STRN3: variants seen among roughly 807,000 people sequenced by gnomAD.
STRN3 encodes striatin 3.
A neutral mutation model predicts 95.6 loss-of-function variants in STRN3; 29 were observed. The ratio of observed to expected loss-of-function variants is 0.30; its 90% CI spans 0.23 to 0.41. The LOEUF is 0.41. STRN3 is among the 10% of genes least tolerant of loss of function. The pLI is 1.00. For missense variants in STRN3, 890 were observed against 972.1 expected, an observed-to-expected ratio of 0.92 and a Z score of 1.12; for synonymous variants, 331 against 357.6, an observed-to-expected ratio of 0.93 and a Z score of 0.84.
chr14:30,948,548 TAA>T (rs976108664), intron 4 of STRN3, among the ~76,000 whole-genome samples: 1 of 151,798 alleles, frequency 6.6e-6, no homozygotes, highest in Non-Finnish European at 1.5e-5. Context: ...GAAGCAAAAA[TAA>T]AAGTTTCAAG....
chr14:31,025,580 A>G, intron 1 of STRN3: 1 of 421,412 alleles, frequency 2.4e-6, no homozygotes. Context: ...TCTCCCACAG[A>G]GAGGTGCTCG....
At chr14:31,002,911 G>A (rs1199582343) in intron 1 of STRN3, among the ~76,000 whole-genome samples, 2 of 152,074 alleles carry the variant, frequency 1.3e-5, no homozygotes, top group Non-Finnish European at 2.9e-5. Context: ...TGGAGATGAT[G>A]GTAGTAAAGG....
chr14:30,908,821 A>T (rs1161049930), intron 13 of STRN3, among the ~76,000 whole-genome samples: 1 of 150,984 alleles, frequency 6.6e-6, no homozygotes, highest in Non-Finnish European at 1.5e-5. Context: ...CAAACAATAC[A>T]CTCCCCCAGT....
intron 9 of STRN3, among the ~76,000 whole-genome samples, chr14:30,916,282 G>GT (rs1401537438): frequency 7.1e-4 from 101 of 142,752 alleles, no homozygotes; most frequent in Middle Eastern, 3.8e-3. Flanking sequence ...TAGTTTTTTT[G>GT]GTTTTTTTTT....
chr14:31,026,128 G>C lies in STRN3; in HGVS notation c.58C>G (p.Gln20Glu). ...AGGTTCCCCCCAGGTCCCTGCTGCT[G>C]CCGGGGAGGGGCCGCCATCCCCGGG... The part of the protein sequence containing the change: ...GGPGMAAPPR[Q>E]QQGPGGNLGL... Residue 20 changes from glutamine to glutamate, a missense_variant, in exon 1 of 18, where the codon CAG becomes GAG. Coordinates refer to ENST00000357479, the MANE Select transcript of STRN3 (RefSeq NM_001083893.2). 2 of 1,499,660 alleles carry C rather than the reference G, an allele frequency of 1.3e-6. No individual in the cohort carries two copies. Among genetic ancestry groups the C allele is most frequent in the Non-Finnish European group, 1.8e-6 (2 of 1,130,154 alleles). 92.9% of individuals were successfully genotyped at this position (1,499,660 alleles called of 1,614,324 possible). A position where few individuals can be genotyped will look rare whatever the true frequency, so the allele number is the denominator to read the frequency against.
At position 30,895,032 on chromosome 14, in the gene STRN3, C is replaced by T. The variant is rs1464445659; in HGVS notation, c.*379G>A. ...CAACAAGAGCACCACATTCCTAACC[C>T]CTAAGGCAGCACACAGAGTCCAAAA... On this transcript the variant is annotated 3_prime_UTR_variant, in exon 18 of 18. Transcript: ENST00000357479. 8.6e-5 allele frequency: 15 copies of T among 174,746 alleles called. No individual in the cohort carries two copies. Among genetic ancestry groups the T allele is most frequent in the Admixed American group, 4.8e-4 (5 of 10,374 alleles). The allele number at this position is 174,746 out of a possible 1,614,324, so 10.8% of individuals were successfully genotyped here. A position where few individuals can be genotyped will look rare whatever the true frequency, so the allele number is the denominator to read the frequency against.
At chr14:30,959,653 A>G (rs1293727709) in intron 1 of STRN3, among the ~76,000 whole-genome samples, 1 of 152,166 alleles carries the variant, frequency 6.6e-6, no homozygotes, top group African/African-American at 2.4e-5. Context: ...TCCCCATGGC[A>G]TCAAAAAATA....
rs1308425127 is a variant in STRN3 at position 30,952,487 on chromosome 14, C to A, written c.461-1543G>T. Among the ~76,000 whole-genome samples the A allele has an allele frequency of 2.0e-5, 3 of 152,064 alleles. No individual in the cohort carries two copies. In the East Asian group the frequency reaches 5.8e-4, roughly 29 times the overall value. On this transcript the variant is annotated intron_variant, in intron 3 of 17. Coordinates refer to ENST00000357479, the MANE Select transcript of STRN3 (RefSeq NM_001083893.2). ...GGCCAAGGCAGGTGGGTCGCTTGAG[C>A]CCACGGGTTCAAGACCAGCCTGGGA...
intron 1 of STRN3, among the ~76,000 whole-genome samples, chr14:30,961,044 C>A (rs925647346): frequency 4.6e-5 from 7 of 151,776 alleles, no homozygotes; most frequent in Non-Finnish European, 1.0e-4. Flanking sequence ...GGGGAGATTT[C>A]TTAAAAAAGA....
chr14:30,935,440 C>T, intron 6 of STRN3, 136 bp from the exon 7 acceptor site: 1 of 892,700 alleles, frequency 1.1e-6, no homozygotes, highest in South Asian at 1.9e-5. Context: ...CTATGTAATT[C>T]ACAAATCCCA....
chr14:31,025,818 GCT>G, intron 1 of STRN3, 84 bp downstream of exon 1: 1 of 1,522,242 alleles, frequency 6.6e-7, no homozygotes, highest in East Asian at 2.5e-5. Flanking sequence ...CAAGGCGCCG[GCT>G]CCGGCTGAGT....
chr14:30,918,882 T>C (rs997915786), intron 9 of STRN3, 84 bp downstream of exon 9: 18 of 1,310,542 alleles, frequency 1.4e-5, no homozygotes, highest in Non-Finnish European at 1.8e-5. Context: ...CAGCATTTTA[T>C]AACAGTAGCC....
intron 1 of STRN3, among the ~76,000 whole-genome samples, chr14:30,983,226 A>G (rs1005427191): frequency 1.3e-5 from 2 of 152,158 alleles, no homozygotes; most frequent in Admixed American, 1.3e-4. Context: ...AACTTACTTC[A>G]TCTACAAAAA....
intron 1 of STRN3, among the ~76,000 whole-genome samples, chr14:31,013,863 TTTATTATTATTATTA>T (rs548417882): frequency 0.024 from 1,919 of 80,950 alleles, 30 homozygotes; most frequent in Middle Eastern, 0.059. Flanking sequence ...TCAAAGCAAT[TTTATTATTATTATTA>T]TTATTATTAT....
chr14:30,930,548 C>T (rs1276838253), intron 7 of STRN3, among the ~76,000 whole-genome samples: 3 of 152,008 alleles, frequency 2.0e-5, no homozygotes, highest in Admixed American at 6.6e-5. Context: ...CACAGGTGGT[C>T]GGTCAGTATG....
At chr14:31,024,799 A>T (rs982462443) in intron 1 of STRN3, among the ~76,000 whole-genome samples, 2 of 152,250 alleles carry the variant, frequency 1.3e-5, no homozygotes, top group African/African-American at 4.8e-5. Context: ...AGTCTGAAGA[A>T]CAGGTGCAAT....
At chr14:31,005,179 A>G (rs1355227559) in intron 1 of STRN3, among the ~76,000 whole-genome samples, 1 of 152,034 alleles carries the variant, frequency 6.6e-6, no homozygotes, top group Non-Finnish European at 1.5e-5. Context: ...TAAAAATACA[A>G]AAATTAGCCG....
At chr14:30,967,909 T>TCC (rs935953538) in intron 1 of STRN3, among the ~76,000 whole-genome samples, 7 of 152,056 alleles carry the variant, frequency 4.6e-5, no homozygotes, top group African/African-American at 1.7e-4. Flanking sequence ...CACGACTTCC[T>TCC]CCCGGGTGAC....
At chr14:31,025,335 ACTTCACAG>A (rs1883760823) in intron 1 of STRN3, 1 of 155,556 alleles carries the variant, frequency 6.4e-6, no homozygotes, top group Non-Finnish European at 1.4e-5. Context: ...GGGAAATAAA[ACTTCACAG>A]GTCAGTCCCA....
Sources: allele counts gnomAD v4.1 joint callset (sites outside exome capture counted in the v4.1 genomes callset), GRCh38; gene constraint gnomAD v4.1.1; transcripts MANE v1.5; gene names NCBI Gene and HGNC (gene_info 2026-07-23, HGNC 2026-07-21).